The following SLC36A1 variants were observed in gnomAD, a reference collection of about 807,000 sequenced individuals.
SLC36A1 encodes proton-coupled amino acid transporter 1.
A neutral mutation model predicts 47.5 loss-of-function variants in SLC36A1; 30 were observed. The ratio of observed to expected loss-of-function variants is 0.63; its 90% CI spans 0.47 to 0.86. The LOEUF is 0.86. SLC36A1 is among the 40% of genes least tolerant of loss of function. SLC36A1 has a pLI of 0.00. For synonymous variants in SLC36A1, 255 were observed against 249.7 expected (o/e 1.02, Z -0.20); for missense variants, 517 against 606.0 (o/e 0.85, Z 1.54).
At chr5:151,549,369 G>A in the SLC36A1 span, 1 of 1,614,044 alleles carries the variant, frequency 6.2e-7, no homozygotes, top group Middle Eastern at 1.7e-4. Flanking sequence ...CAGCAGCTCT[G>A]TGCCGGGGGC....
chr5:151,467,744 A>T lies in SLC36A1; in HGVS notation c.542A>T (p.His181Leu). Reference protein sequence around the residue: ...EAANGTTNNCHNNETVILTPT... With the variant: ...EAANGTTNNCLNNETVILTPT... ...GCCAATGGGACCACCAATAACTGCCACAACAATGAGACGGTGATTCTGACG... is the reference window on the plus strand; with the variant it reads ...GCCAATGGGACCACCAATAACTGCCTCAACAATGAGACGGTGATTCTGACG... The change falls in exon 7 of 11, where the codon CAC becomes CTC. Residue 181 changes from histidine to leucine, a missense_variant. Coordinates refer to ENST00000243389, the MANE Select transcript of SLC36A1 (RefSeq NM_078483.4). The T allele has an allele frequency of 1.2e-6, 2 of 1,614,040 alleles. No individual in the cohort carries two copies. Among genetic ancestry groups the T allele is most frequent in the Non-Finnish European group, 1.7e-6 (2 of 1,179,998 alleles).
the SLC36A1 span, among the ~76,000 whole-genome samples, chr5:151,372,891 A>G: frequency 6.6e-6 from 1 of 152,198 alleles, no homozygotes; most frequent in African/African-American, 2.4e-5. Context: ...CTGTGGGACA[A>G]TGTCAAACTG....
the SLC36A1 span, chr5:151,422,152 A>C: frequency 3.3e-5 from 5 of 152,250 alleles, no homozygotes; most frequent in Non-Finnish European, 7.3e-5. Flanking sequence ...GTGAAAGTGC[A>C]GGCACATTTC....
chr5:151,499,312 C>T, the SLC36A1 span, among the ~76,000 whole-genome samples: 1 of 152,250 alleles, frequency 6.6e-6, no homozygotes, highest in Non-Finnish European at 1.5e-5. Flanking sequence ...TTTCCAAAGC[C>T]TGTCCTTAGA....
chr5:151,502,194 C>G, the SLC36A1 span, among the ~76,000 whole-genome samples: 2 of 147,472 alleles, frequency 1.4e-5, no homozygotes, highest in Admixed American at 1.3e-4. Context: ...CACCTGTAAT[C>G]CCAGCTACTC....
chr5:151,529,445 G>T, the SLC36A1 span: 1 of 1,520,442 alleles, frequency 6.6e-7, no homozygotes, highest in South Asian at 1.1e-5. Flanking sequence ...CCTCAAAGGC[G>T]CAGGACTGAG....
Position 151,447,739 on chromosome 5 carries a change from GGC to G in SLC36A1, c.-79_-78del, listed in dbSNP as rs1561717917. 1.0e-4 allele frequency: 8 copies of G among 79,838 alleles called. No homozygotes were observed. Among genetic ancestry groups the G allele is most frequent in the African/African-American group, 9.1e-4 (8 of 8,788 alleles). 4.9% of individuals were successfully genotyped at this position (79,838 alleles called of 1,614,324 possible). On this transcript the variant is annotated 5_prime_UTR_variant, in exon 1 of 11. Transcript: ENST00000243389. ...AACCCGAGCAGTGAGTTCCTCCACTGGCTGCCGGCTGGCGGCGCTCGCCGCCT... is the reference window on the plus strand; with the variant it reads ...AACCCGAGCAGTGAGTTCCTCCACTGTGCCGGCTGGCGGCGCTCGCCGCCT...
chr5:151,378,269 G>A, the SLC36A1 span: 1 of 219,306 alleles, frequency 4.6e-6, no homozygotes, highest in Non-Finnish European at 9.8e-6. Flanking sequence ...CCAACAGACT[G>A]TGAACTGCTT....
At chr5:151,370,928 G>T in the SLC36A1 span, among the ~76,000 whole-genome samples, 1 of 152,170 alleles carries the variant, frequency 6.6e-6, no homozygotes, top group Non-Finnish European at 1.5e-5. Flanking sequence ...GGGAGACGGA[G>T]GTTGCAGTGA....
At chr5:151,555,987 C>T in the SLC36A1 span, among the ~76,000 whole-genome samples, 2 of 152,176 alleles carry the variant, frequency 1.3e-5, no homozygotes, top group South Asian at 4.1e-4. Context: ...TTCATCCTGG[C>T]TCTGCTACTG....
At chr5:151,399,899 A>G in the SLC36A1 span, among the ~76,000 whole-genome samples, 1 of 152,244 alleles carries the variant, frequency 6.6e-6, no homozygotes, top group East Asian at 1.9e-4. Context: ...TGTGCTAATC[A>G]TTTTGCCTTC....
chr5:151,399,082 ATATTTTTTT>A, the SLC36A1 span, among the ~76,000 whole-genome samples: 4 of 89,092 alleles, frequency 4.5e-5, no homozygotes, highest in Non-Finnish European at 8.1e-5. Context: ...ATATATATAT[ATATTTTTTT>A]TTTTTTTTTT....
downstream of SLC36A1, among the ~76,000 whole-genome samples, chr5:151,494,772 G>A (rs1476387099): frequency 6.6e-6 from 1 of 152,028 alleles, no homozygotes; most frequent in African/African-American, 2.4e-5. Context: ...TAAATTTCTG[G>A]TAAACAATTT....
Position 151,479,310 on chromosome 5 carries a change from G to A in SLC36A1, c.990-10G>A. 1 of 1,613,276 alleles carries A rather than the reference G, an allele frequency of 6.2e-7. No homozygotes were observed. The highest frequency in any genetic ancestry group is 2.2e-5 in the East Asian group (1 of 44,856). On this transcript the variant is annotated splice_polypyrimidine_tract_variant and intron_variant, in intron 9 of 10. Coordinates refer to ENST00000243389, the MANE Select transcript of SLC36A1 (RefSeq NM_078483.4). ...AGCAGGCTTGGAATGTCTCCTGTCT[G>A]TTTCGGCAGGTTGTACCAGTCAGTT...
the SLC36A1 span, among the ~76,000 whole-genome samples, chr5:151,520,613 T>TA: frequency 6.6e-6 from 1 of 152,226 alleles, no homozygotes; most frequent in African/African-American, 2.4e-5. Context: ...TTATAACTCT[T>TA]ACGTAATTTC....
chr5:151,465,082 AATCCT>A lies in SLC36A1; in HGVS notation c.333_337del (p.Lys111AsnfsTer6), dbSNP rs1756145604. The A allele has an allele frequency of 6.2e-7, 1 of 1,613,672 alleles. No individual in the cohort carries two copies. Among genetic ancestry groups the A allele is most frequent in the African/African-American group, 1.3e-5 (1 of 74,904 alleles). The stretch of plus-strand genomic sequence containing the variant: ...CCCTCCTACTCTTCCAGGCTGAATA[AATCCT>A]TTGTGGATTATGGTGATACTGTGAT... On this transcript the variant is annotated frameshift_variant, in exon 5 of 11. Coordinates refer to ENST00000243389, the MANE Select transcript of SLC36A1 (RefSeq NM_078483.4). LOFTEE classifies it high-confidence loss of function.
At chr5:151,386,164 C>T in the SLC36A1 span, among the ~76,000 whole-genome samples, 11 of 152,160 alleles carry the variant, frequency 7.2e-5, no homozygotes, top group African/African-American at 2.4e-4. Context: ...AGGCATGAGC[C>T]ACCGCACCCG....
At chr5:151,543,454 A>T in the SLC36A1 span, 1 of 1,614,174 alleles carries the variant, frequency 6.2e-7, no homozygotes, top group Admixed American at 1.7e-5. Flanking sequence ...ATCCCGAGCC[A>T]TGACCTTAAT....
At chr5:151,517,627 G>A in the SLC36A1 span, 1 of 1,614,082 alleles carries the variant, frequency 6.2e-7, no homozygotes, top group Non-Finnish European at 8.5e-7. Flanking sequence ...TACCTTCAGG[G>A]AGACGGACGC....
Sources: allele counts gnomAD v4.1 joint callset (sites outside exome capture counted in the v4.1 genomes callset), GRCh38; gene constraint gnomAD v4.1.1; transcripts MANE v1.5; gene names NCBI Gene and HGNC (gene_info 2026-07-23, HGNC 2026-07-21).